NLRP12: variants seen among roughly 807,000 people sequenced by gnomAD.
NLRP12 encodes the protein NACHT, LRR and PYD domains-containing protein 12.
NLRP12 carries 108 observed loss-of-function variants against 91.2 expected under a neutral mutation model. The ratio of observed to expected loss-of-function variants is 1.18; its 90% CI spans 1.01 to 1.39. The LOEUF (loss-of-function observed/expected upper bound fraction) is 1.39, where lower values mean the gene tolerates loss of function less well. Ranked by LOEUF, NLRP12 falls within the 40% of genes most tolerant of loss-of-function variation. NLRP12 has a pLI of 0.00. For synonymous variants in NLRP12, 613 were observed against 566.7 expected (o/e 1.08, Z -1.16); for missense variants, 1,530 against 1,352.7 (o/e 1.13, Z -2.06).
intron 4 of NLRP12, among the ~76,000 whole-genome samples, chr19:53,806,941 A>C (rs1164299199): frequency 2.0e-5 from 3 of 152,070 alleles, no homozygotes; most frequent in African/African-American, 7.2e-5. Flanking sequence ...GACAGAAGGC[A>C]GTGATCTGCA....
intron 3 of NLRP12, 63 bp downstream of exon 3, chr19:53,809,524 A>AAAC (rs1262301547): frequency 2.7e-6 from 3 of 1,121,038 alleles, no homozygotes; most frequent in Non-Finnish European, 3.5e-6. Flanking sequence ...GAGCAAAAAA[A>AAAC]AAAAAAAAAA....
intron 1 of NLRP12, among the ~76,000 whole-genome samples, chr19:53,819,633 ATATG>A (rs1304816210): frequency 6.8e-6 from 1 of 146,368 alleles, no homozygotes; most frequent in Admixed American, 6.9e-5. Context: ...ATACGCGTAT[ATATG>A]TATGTATACG....
At chr19:53,812,685 G>T (rs1002918266) in intron 2 of NLRP12, among the ~76,000 whole-genome samples, 2 of 151,978 alleles carry the variant, frequency 1.3e-5, no homozygotes, top group Non-Finnish European at 2.9e-5. Context: ...CTTGGTATTG[G>T]ATGCCAGCAG....
At position 53,810,326 on chromosome 19, in the gene NLRP12, G is replaced by C. The variant is rs1445338502; in HGVS notation, c.1333C>G (p.Pro445Ala). The C allele has an allele frequency of 6.2e-7, 1 of 1,613,630 alleles. No individual in the cohort carries two copies. The highest frequency in any genetic ancestry group is 8.5e-7 in the Non-Finnish European group (1 of 1,180,030). ...YMLYLLSLMQ[P>A]KPGAPRLQPP... ...TGGAGGCGCGGGGCCCCCGGCTTGG[G>C]TTGCATCAGACTCAGCAGGTAGAGC... The change falls in exon 3 of 10, where the codon CCC becomes GCC. Residue 445 changes from proline to alanine, a missense_variant. Coordinates refer to ENST00000324134, the MANE Select transcript of NLRP12 (RefSeq NM_144687.4).
intron 1 of NLRP12, among the ~76,000 whole-genome samples, chr19:53,818,362 AT>A (rs755760101): frequency 8.9e-4 from 128 of 144,490 alleles, no homozygotes; most frequent in Middle Eastern, 3.6e-3. Context: ...GTGTGGCCAC[AT>A]TTTTTTTTTT....
intron 1 of NLRP12, among the ~76,000 whole-genome samples, chr19:53,823,564 T>TATATATTTTAAATATA (rs1294527988): frequency 7.1e-6 from 1 of 141,832 alleles, no homozygotes; most frequent in African/African-American, 2.7e-5. Context: ...ATTTTAAATA[T>TATATATTTTAAATATA]TTGAGGCAAG....
At chr19:53,821,257 C>T (rs556912755) in intron 1 of NLRP12, among the ~76,000 whole-genome samples, 3 of 151,886 alleles carry the variant, frequency 2.0e-5, no homozygotes, top group African/African-American at 7.2e-5. Context: ...AGGCTGGTCT[C>T]GAACTCCTGA....
intron 8 of NLRP12, among the ~76,000 whole-genome samples, chr19:53,797,091 CAATT>C (rs1325978299): frequency 1.3e-5 from 2 of 151,902 alleles, no homozygotes; most frequent in Non-Finnish European, 2.9e-5. Context: ...GAGAAAGTCA[CAATT>C]AACATTTGAT....
intron 1 of NLRP12, among the ~76,000 whole-genome samples, chr19:53,818,086 A>AT (rs57766213): frequency 0.46 from 66,626 of 144,350 alleles, 16,137 homozygotes; most frequent in Non-Finnish European, 0.55. Flanking sequence ...CTGGTTGGCA[A>AT]TTTTTTTTTT....
chr19:53,797,137 A>ATTAT (rs2091779459), intron 8 of NLRP12, among the ~76,000 whole-genome samples: 1 of 150,614 alleles, frequency 6.6e-6, no homozygotes, highest in African/African-American at 2.4e-5. Flanking sequence ...TTGAATTATT[A>ATTAT]TTTTTTTTTC....
intron 3 of NLRP12, chr19:53,808,167 C>T (rs1049083643): frequency 1.2e-5 from 3 of 260,498 alleles, no homozygotes; most frequent in Non-Finnish European, 2.3e-5. Context: ...AAGCAATCCT[C>T]CCACCTCAGC....
intron 7 of NLRP12, among the ~76,000 whole-genome samples, chr19:53,799,201 C>T (rs1218878188): frequency 3.3e-5 from 5 of 150,910 alleles, no homozygotes; most frequent in African/African-American, 1.2e-4. Context: ...TTAGTAGAGA[C>T]GGGGTTTCAC....
Position 53,810,179 on chromosome 19 carries a change from A to G in NLRP12, c.1480T>C (p.Phe494Leu). 1 of 1,614,158 alleles carries G rather than the reference A, an allele frequency of 6.2e-7. No homozygotes were observed. ...HGLDGEDVSA[F>L]LNMNIFQKDI... Reference sequence around the variant, plus strand: ...TTCTGGAAGATGTTCATGTTGAGGAAGGCAGAGACGTCTTCCCCGTCTAGG... The same window carrying G: ...TTCTGGAAGATGTTCATGTTGAGGAGGGCAGAGACGTCTTCCCCGTCTAGG... The change falls in exon 3 of 10, where the codon TTC becomes CTC. Residue 494 changes from phenylalanine (F) to leucine (L), a missense_variant. By Grantham distance (22) the Phe-to-Leu change is conservative (BLOSUM62 0). Coordinates refer to ENST00000324134, the MANE Select transcript of NLRP12 (RefSeq NM_144687.4).
chr19:53,824,285 C>A lies in NLRP12; in HGVS notation c.-111G>T. On this transcript the variant is annotated 5_prime_UTR_variant, in exon 1 of 10. Coordinates refer to ENST00000324134, the MANE Select transcript of NLRP12 (RefSeq NM_144687.4). ...CATTGCATCATTCACAGGCAGCGGGCGGAGAGGCTGAGCCAGTGGTTGGAG... is the reference window on the plus strand; with the variant it reads ...CATTGCATCATTCACAGGCAGCGGGAGGAGAGGCTGAGCCAGTGGTTGGAG... The A allele has an allele frequency of 1.7e-6, 2 of 1,154,830 alleles. No individual in the cohort carries two copies. The highest frequency in any genetic ancestry group is 2.5e-6 in the Non-Finnish European group (2 of 791,568). The allele number at this position is 1,154,830 out of a possible 1,614,324, so 71.5% of individuals were successfully genotyped here. A position where few individuals can be genotyped will look rare whatever the true frequency, so the allele number is the denominator to read the frequency against.
Position 53,824,254 on chromosome 19 carries a change from A to G in NLRP12, c.-80T>C. 7.1e-7 allele frequency: 1 copy of G among 1,410,824 alleles called. No homozygotes were observed. The highest frequency in any genetic ancestry group is 2.3e-5 in the East Asian group (1 of 43,176). The allele number at this position is 1,410,824 out of a possible 1,614,324, so 87.4% of individuals were successfully genotyped here. On this transcript the variant is annotated 5_prime_UTR_variant, in exon 1 of 10. Transcript: ENST00000324134. ...ACGGGACACAGGGCGACCCCAGCAC[A>G]CCTTCCATTGCATCATTCACAGGCA...
Position 53,795,970 on chromosome 19 carries a change from A to AT in NLRP12, c.2986dup (p.Ile996AsnfsTer46). 6.2e-7 allele frequency: 1 copy of AT among 1,614,118 alleles called. No homozygotes were observed. The highest frequency in any genetic ancestry group is 8.5e-7 in the Non-Finnish European group (1 of 1,180,022). On this transcript the variant is annotated frameshift_variant, in exon 9 of 10. Coordinates refer to ENST00000324134, the MANE Select transcript of NLRP12 (RefSeq NM_144687.4). LOFTEE classifies it high-confidence loss of function. Reference sequence around the variant, plus strand: ...GTAAAGGTCGGTCAAGGTCTGGTTGATCCCCAGGGTGAAGTAAAGATTCTC... The same window carrying AT: ...GTAAAGGTCGGTCAAGGTCTGGTTGATTCCCCAGGGTGAAGTAAAGATTCTC...
intron 7 of NLRP12, 131 bp downstream of exon 7, chr19:53,801,096 A>G (rs1307887569): frequency 1.8e-5 from 7 of 397,808 alleles, no homozygotes. Context: ...GGGAGTCTCA[A>G]AAAAAAAAAA....
chr19:53,795,869 G>C lies in NLRP12; in HGVS notation c.3088C>G (p.Arg1030Gly), dbSNP rs201619538. The C allele has an allele frequency of 4.7e-4, 752 of 1,614,028 alleles. 8 individuals carry two copies. The South Asian group carries it at 6.1e-3, about 13-fold the overall frequency. The part of the protein sequence containing the change: ...KRLSHPGCKL[R>G]VLWLFGMDLN... ...GTCATCATCCCTCACCAGAGGACTC[G>C]GAGTTTGCAGCCAGGATGGCTCAGC... The change falls in exon 9 of 10, where the codon CGA becomes GGA. Residue 1030 changes from arginine to glycine, a missense_variant. Arg to Gly is a moderately radical substitution (Grantham distance 125). Coordinates refer to ENST00000324134, the MANE Select transcript of NLRP12 (RefSeq NM_144687.4).
Position 53,811,005 on chromosome 19 carries a change from C to T in NLRP12, c.654G>A (p.Ala218=), listed in dbSNP as rs745766441. The T allele has an allele frequency of 2.0e-5, 32 of 1,613,890 alleles. No individual in the cohort carries two copies. The highest frequency in any genetic ancestry group is 1.1e-4 in the East Asian group (5 of 44,894). ...EPPRTVVMQG[A]AGIGKSMLAH... ...CCAGCATGGACTTGCCTATCCCTGC[C>T]GCGCCTTGCATGACCACGGTGCGCG... is the stretch of plus-strand genomic sequence containing the variant. Residue 218 remains alanine (A), a synonymous_variant, in exon 3 of 10, where the codon GCG becomes GCA. Transcript: ENST00000324134.
Sources: gnomAD v4.1 joint callset for allele counts (sites outside exome capture counted in the v4.1 genomes callset) on GRCh38, gnomAD v4.1.1 for gene constraint, MANE v1.5 for transcripts, NCBI Gene and HGNC (gene_info 2026-07-23, HGNC 2026-07-21) for gene names.